Variants in CNTN3 observed in about 807,000 individuals in gnomAD.
The protein encoded by CNTN3 is contactin 3, also known as contactin-3.
A neutral mutation model predicts 119.1 loss-of-function variants in CNTN3; 60 were observed. The ratio of observed to expected loss-of-function variants is 0.50; its 90% CI spans 0.41 to 0.62. CNTN3 has a LOEUF of 0.62. CNTN3 is among the 20% of genes least tolerant of loss of function. The probability of loss-of-function intolerance (pLI) is 0.00; values close to 1 mark genes in which losing one functional copy is unlikely to be tolerated. For missense variants in CNTN3, 1,101 were observed against 1,242.4 expected, an observed-to-expected ratio of 0.89 and a Z score of 1.71; for synonymous variants, 450 against 438.7, an observed-to-expected ratio of 1.03 and a Z score of -0.32.
At chr3:74,291,745 G>T (rs1290750895) in intron 19 of CNTN3, among the ~76,000 whole-genome samples, 1 of 152,036 alleles carries the variant, frequency 6.6e-6, no homozygotes, top group Admixed American at 6.6e-5. Flanking sequence ...TCAGCTAATG[G>T]GAGATTCAGC....
intron 4 of CNTN3, among the ~76,000 whole-genome samples, chr3:74,464,409 A>C (rs752263838): frequency 6.6e-6 from 1 of 152,162 alleles, no homozygotes; most frequent in Non-Finnish European, 1.5e-5. Context: ...GAAATACTTG[A>C]TGGTATATAC....
chr3:74,459,951 A>G (rs2106970412), intron 4 of CNTN3, among the ~76,000 whole-genome samples: 1 of 152,154 alleles, frequency 6.6e-6, no homozygotes, highest in African/African-American at 2.4e-5. Flanking sequence ...TATTGCACAC[A>G]GTGGTTTCAA....
At chr3:74,433,056 G>A (rs543202253) in intron 4 of CNTN3, among the ~76,000 whole-genome samples, 1 of 152,262 alleles carries the variant, frequency 6.6e-6, no homozygotes, top group African/African-American at 2.4e-5. Context: ...AAAGGGGAGA[G>A]ATGGAGGAAA....
chr3:74,518,411 G>A (rs1462715253), intron 2 of CNTN3, among the ~76,000 whole-genome samples: 2 of 151,840 alleles, frequency 1.3e-5, no homozygotes, highest in South Asian at 2.1e-4. Flanking sequence ...TTATATGCAG[G>A]GATCAGTGAC....
intron 1 of CNTN3, among the ~76,000 whole-genome samples, chr3:74,592,326 G>C (rs1005132950): frequency 2.6e-5 from 4 of 151,844 alleles, no homozygotes; most frequent in Admixed American, 6.6e-5. Flanking sequence ...GAGTAAAGGA[G>C]TTTAACAGGT....
chr3:74,304,959 T>C (rs1702529514), intron 13 of CNTN3, among the ~76,000 whole-genome samples: 1 of 152,210 alleles, frequency 6.6e-6, no homozygotes, highest in South Asian at 2.1e-4. Context: ...GTATTATTCC[T>C]CTTCTAATGC....
intron 4 of CNTN3, among the ~76,000 whole-genome samples, chr3:74,482,970 T>C (rs1264788407): frequency 6.6e-6 from 1 of 152,164 alleles, no homozygotes; most frequent in Non-Finnish European, 1.5e-5. Flanking sequence ...CTTTGGTTTT[T>C]TATCAGAAAT....
intron 1 of CNTN3, among the ~76,000 whole-genome samples, chr3:74,563,074 T>A (rs906671937): frequency 6.6e-6 from 1 of 152,170 alleles, no homozygotes; most frequent in Non-Finnish European, 1.5e-5. Context: ...ATCGTCCCAC[T>A]GTTCCTTTTC....
chr3:74,416,754 G>T (rs770943140), intron 5 of CNTN3, among the ~76,000 whole-genome samples: 1 of 152,104 alleles, frequency 6.6e-6, no homozygotes, highest in Non-Finnish European at 1.5e-5. Context: ...TTAGGAGGCC[G>T]AAGCGGTTGG....
intron 5 of CNTN3, among the ~76,000 whole-genome samples, chr3:74,371,877 T>C (rs1704347039): frequency 6.6e-6 from 1 of 152,200 alleles, no homozygotes; most frequent in South Asian, 2.1e-4. Context: ...CATGCTCTCT[T>C]TTGTCCCTGA....
chr3:74,387,946 C>A (rs1023975221), intron 5 of CNTN3, among the ~76,000 whole-genome samples: 2 of 152,088 alleles, frequency 1.3e-5, no homozygotes, highest in Admixed American at 6.6e-5. Flanking sequence ...AAAATGGGAC[C>A]TGGTAATTAA....
At chr3:74,406,235 ATTATT>A (rs887884811) in intron 5 of CNTN3, among the ~76,000 whole-genome samples, 2 of 152,172 alleles carry the variant, frequency 1.3e-5, no homozygotes, top group Non-Finnish European at 2.9e-5. Context: ...ATCAGAAGAT[ATTATT>A]TTAAAGTTAT....
chr3:74,366,958 T>TAAA (rs745780157), intron 8 of CNTN3, among the ~76,000 whole-genome samples: 1 of 128,336 alleles, frequency 7.8e-6, no homozygotes, highest in Non-Finnish European at 1.7e-5. Context: ...CCCGAGTTTC[T>TAAA]AAAAAAAAAA....
chr3:74,459,050 T>G (rs1702319083), intron 4 of CNTN3, among the ~76,000 whole-genome samples: 2 of 152,014 alleles, frequency 1.3e-5, no homozygotes, highest in Non-Finnish European at 1.5e-5. Context: ...ATGTGAAGTT[T>G]GGCTGTCTTG....
At chr3:74,315,837 A>C (rs549983683) in intron 13 of CNTN3, among the ~76,000 whole-genome samples, 55 of 152,326 alleles carry the variant, frequency 3.6e-4, no homozygotes, top group African/African-American at 1.3e-3. Flanking sequence ...CTTAAATGTA[A>C]GACATGAAAC....
At chr3:74,355,923 C>A (rs947888595) in intron 11 of CNTN3, among the ~76,000 whole-genome samples, 4 of 151,976 alleles carry the variant, frequency 2.6e-5, no homozygotes, top group African/African-American at 9.7e-5. Context: ...TCTGAACACT[C>A]CCCTCCATGG....
At chr3:74,528,129 A>G (rs1015546480) in intron 1 of CNTN3, among the ~76,000 whole-genome samples, 1 of 151,898 alleles carries the variant, frequency 6.6e-6, no homozygotes, top group Non-Finnish European at 1.5e-5. Context: ...TTAAACATGA[A>G]ACAAAATGAA....
At chr3:74,432,006 AG>A (rs140543166) in intron 4 of CNTN3, among the ~76,000 whole-genome samples, 3,128 of 152,320 alleles carry the variant, frequency 0.021, 91 homozygotes, top group African/African-American at 0.067. Context: ...AATTTGTACC[AG>A]GAACACAGAC....
intron 13 of CNTN3, among the ~76,000 whole-genome samples, chr3:74,311,432 G>A (rs1302732197): frequency 1.3e-5 from 2 of 152,188 alleles, no homozygotes; most frequent in Admixed American, 6.5e-5. Flanking sequence ...AAATCAGAAT[G>A]TTTTACATAA....
Sources: allele counts gnomAD v4.1 joint callset (sites outside exome capture counted in the v4.1 genomes callset), GRCh38; gene constraint gnomAD v4.1.1; transcripts MANE v1.5; gene names NCBI Gene and HGNC (gene_info 2026-07-23, HGNC 2026-07-21).